CDH12: variants seen among roughly 807,000 people sequenced by gnomAD.
The protein encoded by CDH12 is cadherin 12.
CDH12 carries 41 observed loss-of-function variants against 74.1 expected under a neutral mutation model. The ratio of observed to expected loss-of-function variants is 0.55; its 90% CI spans 0.43 to 0.72. CDH12 has a LOEUF of 0.72. Among genes scored for constraint, CDH12 ranks in the 30% least tolerant of loss-of-function variants. The pLI is 0.00. For synonymous variants in CDH12, 399 were observed against 355.0 expected (o/e 1.12, Z -1.39); for missense variants, 945 against 977.2 (o/e 0.97, Z 0.44).
At chr5:22,467,972 T>C (rs1745801958) in intron 2 of CDH12, among the ~76,000 whole-genome samples, 1 of 152,346 alleles carries the variant, frequency 6.6e-6, no homozygotes, top group Non-Finnish European at 1.5e-5. Flanking sequence ...CTTAGTCTGA[T>C]GTTCTGGGCC....
chr5:22,505,266 C>A lies in CDH12; in HGVS notation c.-428+4G>T. The A allele has an allele frequency of 1.0e-6, 1 of 962,604 alleles. No individual in the cohort carries two copies. The highest frequency in any genetic ancestry group is 1.2e-6 in the Non-Finnish European group (1 of 809,700). 59.6% of individuals were successfully genotyped at this position (962,604 alleles called of 1,614,324 possible). ...TATATCTTGATAAGATTTTTTTTACCTACCTTTAAAAAGGCTGGCATTCTT... is the reference window on the plus strand; with the variant it reads ...TATATCTTGATAAGATTTTTTTTACATACCTTTAAAAAGGCTGGCATTCTT... On this transcript the variant is annotated splice_donor_region_variant and intron_variant, in intron 2 of 14. Transcript: ENST00000382254.
chr5:22,052,131 TGA>T (rs1259731221), intron 5 of CDH12, among the ~76,000 whole-genome samples: 2 of 152,170 alleles, frequency 1.3e-5, no homozygotes. Context: ...AAACAATGTG[TGA>T]AAGCCTTCAG....
rs146347623 is a variant in CDH12 at position 22,101,525 on chromosome 5, T to C, written c.-186-22663A>G. On this transcript the variant is annotated intron_variant, in intron 4 of 14. Coordinates refer to ENST00000382254, the MANE Select transcript of CDH12 (RefSeq NM_004061.5). The stretch of plus-strand genomic sequence containing the variant: ...CCCAGAAAATGGAAAGTGTATTGCT[T>C]CCAGAGTTCCTGTGGACCATAGCCA... 7.3e-3 allele frequency among the ~76,000 whole-genome samples: 1,119 copies of C among 152,278 alleles called. 4 individuals carry two copies. The highest frequency in any genetic ancestry group is 0.012 in the Non-Finnish European group (791 of 68,020).
intron 5 of CDH12, among the ~76,000 whole-genome samples, chr5:22,056,990 C>A (rs1037629423): frequency 1.3e-5 from 2 of 152,116 alleles, no homozygotes; most frequent in Non-Finnish European, 2.9e-5. Flanking sequence ...ATGGAGTGAG[C>A]AGTTCTGCAT....
chr5:22,189,567 CT>C lies in CDH12; in HGVS notation c.-187+22930del, dbSNP rs566715751. 1.4e-4 allele frequency among the ~76,000 whole-genome samples: 21 copies of C among 151,970 alleles called. 2 individuals carry two copies. The South Asian group carries it at 4.4e-3, about 32-fold the overall frequency. On this transcript the variant is annotated intron_variant, in intron 4 of 14. Coordinates refer to ENST00000382254, the MANE Select transcript of CDH12 (RefSeq NM_004061.5). ...TACTTAACATAAGTAGATATTCGAT[CT>C]GTACAATTCTATTTCTTTTATTAGG...
Position 21,802,294 on chromosome 5 carries a change from C to G in CDH12, c.1129G>C (p.Asp377His). The part of the protein sequence containing the change: ...DTATVKISVL[D>H]VDEPPVFSKP... ...CTGAAAACCGGTGGCTCATCTACGT[C>G]CAGCACGCTGATCTTCACCGTAGCT... is the stretch of plus-strand genomic sequence containing the variant. The change falls in exon 10 of 15, where the codon GAC becomes CAC. Residue 377 changes from aspartate (D) to histidine (H), a missense_variant. By Grantham distance (81) the Asp-to-His change is moderately conservative. Coordinates refer to ENST00000382254, the MANE Select transcript of CDH12 (RefSeq NM_004061.5). 3 of 1,613,828 alleles carry G rather than the reference C, an allele frequency of 1.9e-6. No homozygotes were observed. Among genetic ancestry groups the G allele is most frequent in the Non-Finnish European group, 2.5e-6 (3 of 1,179,968 alleles).
At chr5:22,706,353 C>T (rs1016332545) in intron 1 of CDH12, among the ~76,000 whole-genome samples, 7 of 151,846 alleles carry the variant, frequency 4.6e-5, no homozygotes, top group Admixed American at 2.6e-4. Flanking sequence ...ATAAACATAT[C>T]TATATAAGGA....
At chr5:22,138,023 A>G (rs1746558927) in intron 4 of CDH12, among the ~76,000 whole-genome samples, 1 of 152,134 alleles carries the variant, frequency 6.6e-6, no homozygotes, top group Admixed American at 6.6e-5. Flanking sequence ...AGAAAAAGAT[A>G]TGCTGAAAAA....
chr5:22,699,370 GT>G (rs1490986269), intron 1 of CDH12, among the ~76,000 whole-genome samples: 1 of 152,200 alleles, frequency 6.6e-6, no homozygotes, highest in Non-Finnish European at 1.5e-5. Context: ...TAACTACAAA[GT>G]GGGATTTCAT....
intron 1 of CDH12, among the ~76,000 whole-genome samples, chr5:22,606,672 C>T (rs1203192928): frequency 2.0e-5 from 3 of 152,152 alleles, no homozygotes; most frequent in Non-Finnish European, 4.4e-5. Flanking sequence ...TTATAAATTA[C>T]CCAGTCTTGG....
chr5:22,422,156 G>C (rs1292033448), intron 2 of CDH12, among the ~76,000 whole-genome samples: 1 of 152,124 alleles, frequency 6.6e-6, no homozygotes, highest in Non-Finnish European at 1.5e-5. Flanking sequence ...TCTTATGCCA[G>C]TTTTCAAGGG....
At chr5:21,925,822 A>C (rs1754559655) in intron 6 of CDH12, among the ~76,000 whole-genome samples, 1 of 152,150 alleles carries the variant, frequency 6.6e-6, no homozygotes, top group African/African-American at 2.4e-5. Flanking sequence ...GCCTCATAAC[A>C]GTGGGCAAAA....
chr5:22,451,463 A>G (rs1745040989), intron 2 of CDH12, among the ~76,000 whole-genome samples: 1 of 151,980 alleles, frequency 6.6e-6, no homozygotes, highest in Non-Finnish European at 1.5e-5. Flanking sequence ...AGAATCAAGA[A>G]CAAAAACCAT....
chr5:22,784,818 C>T (rs1233923442), intron 1 of CDH12, among the ~76,000 whole-genome samples: 2 of 151,976 alleles, frequency 1.3e-5, no homozygotes, highest in African/African-American at 2.4e-5. Context: ...TAAAGTATAC[C>T]TTTTATGTAT....
At chr5:22,709,462 A>AAT (rs568885423) in intron 1 of CDH12, among the ~76,000 whole-genome samples, 6 of 152,228 alleles carry the variant, frequency 3.9e-5, no homozygotes, top group South Asian at 4.1e-4. Flanking sequence ...CAAACAGAAA[A>AAT]ATATATATAT....
chr5:22,027,443 C>T (rs1738444430), intron 5 of CDH12, among the ~76,000 whole-genome samples: 1 of 152,146 alleles, frequency 6.6e-6, no homozygotes, highest in South Asian at 2.1e-4. Context: ...CCATCTGGTC[C>T]TGGACTCTTT....
intron 1 of CDH12, among the ~76,000 whole-genome samples, chr5:22,530,412 G>A (rs1445339152): frequency 6.6e-6 from 1 of 152,026 alleles, no homozygotes; most frequent in Non-Finnish European, 1.5e-5. Flanking sequence ...TTTGTAGAGG[G>A]GCAGAGTTTA....
At position 22,778,916 on chromosome 5, in the gene CDH12, T is replaced by C. The variant is rs1237483010; in HGVS notation, c.-523+74142A>G. Among the ~76,000 whole-genome samples, 5 of 152,082 alleles carry C rather than the reference T, an allele frequency of 3.3e-5. No homozygotes were observed. In the East Asian group the frequency reaches 9.6e-4, roughly 29 times the overall value. ...GTTGAGTGGCTTTTAAACTACAATTTTATATTTAGAATAAAAAACACTTTT... is the reference window on the plus strand; with the variant it reads ...GTTGAGTGGCTTTTAAACTACAATTCTATATTTAGAATAAAAAACACTTTT... On this transcript the variant is annotated intron_variant, in intron 1 of 14. Transcript: ENST00000382254.
chr5:21,754,585 G>GT (rs1238055343), intron 14 of CDH12, among the ~76,000 whole-genome samples: 1 of 152,162 alleles, frequency 6.6e-6, no homozygotes, highest in Non-Finnish European at 1.5e-5. Context: ...TTCTACGTCA[G>GT]CATGAACTTC....
Sources: gnomAD v4.1 joint callset for allele counts (sites outside exome capture counted in the v4.1 genomes callset) on GRCh38, gnomAD v4.1.1 for gene constraint, MANE v1.5 for transcripts, NCBI Gene and HGNC (gene_info 2026-07-23, HGNC 2026-07-21) for gene names.